The following MTOR variants were observed in gnomAD, a reference collection of about 807,000 sequenced individuals.
MTOR encodes the protein serine/threonine-protein kinase mTOR.
In MTOR, 70 loss-of-function variants were observed where a neutral mutation model predicts 319.8. The ratio of observed to expected loss-of-function variants is 0.22; its 90% CI spans 0.18 to 0.27. MTOR has a LOEUF of 0.27. MTOR is among the 10% of genes least tolerant of loss of function. MTOR has a pLI of 1.00. For synonymous variants in MTOR, 1,183 were observed against 1,211.4 expected (o/e 0.98, Z 0.49); for missense variants, 1,890 against 3,274.4 (o/e 0.58, Z 10.32).
chr1:11,114,662 T>C, intron 52 of MTOR, 151 bp downstream of exon 52: 1 of 1,009,310 alleles, frequency 9.9e-7, no homozygotes, highest in Non-Finnish European at 1.5e-6. Flanking sequence ...CATAGATAGG[T>C]CATTTCTAAC....
intron 28 of MTOR, among the ~76,000 whole-genome samples, chr1:11,172,381 C>A (rs1198137219): frequency 3.4e-5 from 5 of 148,508 alleles, no homozygotes; most frequent in African/African-American, 1.2e-4. Context: ...CATGGTGAAA[C>A]CCCGTCTCTA....
chr1:11,225,342 T>C (rs1231771758), intron 19 of MTOR, among the ~76,000 whole-genome samples: 1 of 151,886 alleles, frequency 6.6e-6, no homozygotes, highest in African/African-American at 2.4e-5. Flanking sequence ...AGACTGACAA[T>C]GACTTAACAT....
chr1:11,222,109 C>A (rs1191915318), intron 19 of MTOR, among the ~76,000 whole-genome samples: 3 of 130,140 alleles, frequency 2.3e-5, no homozygotes, highest in Non-Finnish European at 3.4e-5. Context: ...AAGATTCATG[C>A]ATGTATTCTG....
At chr1:11,188,433 G>A (rs1645392623) in intron 28 of MTOR, among the ~76,000 whole-genome samples, 1 of 152,150 alleles carries the variant, frequency 6.6e-6, no homozygotes, top group African/African-American at 2.4e-5. Context: ...AAGAAAGAGG[G>A]AAATGAGACT....
At chr1:11,204,938 G>A (rs974111070) in intron 25 of MTOR, among the ~76,000 whole-genome samples, 1 of 152,176 alleles carries the variant, frequency 6.6e-6, no homozygotes, top group African/African-American at 2.4e-5. Flanking sequence ...GACTCTGACT[G>A]CAGCAAAGGA....
intron 36 of MTOR, among the ~76,000 whole-genome samples, chr1:11,136,292 T>C (rs1320205985): frequency 1.3e-5 from 2 of 152,114 alleles, no homozygotes; most frequent in African/African-American, 4.8e-5. Context: ...CAGAATGACA[T>C]GACAAACAAT....
At chr1:11,210,384 A>G (rs1470437686) in intron 24 of MTOR, among the ~76,000 whole-genome samples, 1 of 152,232 alleles carries the variant, frequency 6.6e-6, no homozygotes, top group East Asian at 1.9e-4. Flanking sequence ...TCCTGGGCTC[A>G]AGCAATCCAC....
In MTOR at chr1:11,144,674, G is replaced by A. The variant is rs17848545; in HGVS notation, c.4846C>T (p.Arg1616Cys). The part of the protein sequence containing the change: ...KLVPERREII[R>C]QIWWERLQGC... ...TGCAGTCTCTCCCACCAGATCTGGC[G>A]GATGATCTCTCGTCGCTCGGGGACA... Residue 1616 changes from arginine to cysteine, a missense_variant, in exon 34 of 58, where the codon CGC (arginine) becomes TGC (cysteine). Physicochemically the swap from Arg to Cys is radical, Grantham distance 180. Coordinates refer to ENST00000361445, the MANE Select transcript of MTOR (RefSeq NM_004958.4). 4.0e-5 allele frequency: 65 copies of A among 1,614,084 alleles called. No individual in the cohort carries two copies. Among genetic ancestry groups the A allele is most frequent in the Non-Finnish European group, 5.0e-5 (59 of 1,180,006 alleles).
At chr1:11,134,849 A>G (rs1643328614) in intron 36 of MTOR, among the ~76,000 whole-genome samples, 1 of 152,234 alleles carries the variant, frequency 6.6e-6, no homozygotes, top group African/African-American at 2.4e-5. Context: ...TTTCAGGCTA[A>G]TAAAACTTTG....
rs28730686 is a variant in MTOR, at chr1:11,216,284, C to T, written c.3031-50G>A. ...GCTGGTATCATGAAGGACATTGAAC[C>T]CCCAGGCTTACCTTAAGCTCATGTG... On this transcript the variant is annotated intron_variant, in intron 19 of 57. Transcript: ENST00000361445. 0.012 allele frequency: 17,060 copies of T among 1,431,370 alleles called. 620 individuals are homozygous for T. Among genetic ancestry groups the T allele is most frequent in the African/African-American group, 0.073 (5,163 of 71,156 alleles). The allele number at this position is 1,431,370 out of a possible 1,614,324, so 88.7% of individuals were successfully genotyped here.
chr1:11,244,771 T>C (rs180679382), intron 8 of MTOR, among the ~76,000 whole-genome samples: 21 of 152,312 alleles, frequency 1.4e-4, no homozygotes, highest in African/African-American at 3.8e-4. Flanking sequence ...TCTATGTCTA[T>C]GTTTAGATAC....
intron 30 of MTOR, among the ~76,000 whole-genome samples, chr1:11,155,785 C>T (rs1446236338): frequency 6.6e-6 from 1 of 152,144 alleles, no homozygotes; most frequent in Non-Finnish European, 1.5e-5. Flanking sequence ...GTCCTGTAAG[C>T]TCTGGGAAGG....
In MTOR at chr1:11,127,302, C is replaced by T. The variant is rs1202655797; in HGVS notation, c.6217-158G>A. Among the ~76,000 whole-genome samples, 2 of 152,224 alleles carry T rather than the reference C, an allele frequency of 1.3e-5. No individual in the cohort carries two copies. The highest frequency in any genetic ancestry group is 4.8e-5 in the African/African-American group (2 of 41,448). On this transcript the variant is annotated intron_variant, in intron 44 of 57. Coordinates refer to ENST00000361445, the MANE Select transcript of MTOR (RefSeq NM_004958.4). The surrounding 1 kb of genome is among the most constrained non-coding windows in gnomAD (Gnocchi z 5.5). ...AAGCAAGAGCATAGGTGCAGGCCTC[C>T]AACCCTGGAGCTTCCAAACCAGCAG...
chr1:11,110,009 A>AAT (rs1003103852), intron 54 of MTOR, among the ~76,000 whole-genome samples: 2 of 151,918 alleles, frequency 1.3e-5, no homozygotes, highest in Non-Finnish European at 2.9e-5. Flanking sequence ...AAAAAAAAAA[A>AAT]ATTTTTAAAT....
chr1:11,126,611 A>G lies in MTOR; in HGVS notation c.6526+11T>C, dbSNP rs1178180182. ...GAGAAGTGGGTGACAGAAGTGCACA[A>G]TGGTCCTTACCCATAAGTGTCAATT... is the stretch of plus-strand genomic sequence containing the variant. On this transcript the variant is annotated intron_variant, in intron 46 of 57. Coordinates refer to ENST00000361445, the MANE Select transcript of MTOR (RefSeq NM_004958.4). 10 of 1,613,286 alleles carry G rather than the reference A, an allele frequency of 6.2e-6. No individual in the cohort carries two copies. Among genetic ancestry groups the G allele is most frequent in the Admixed American group, 3.3e-5 (2 of 59,966 alleles).
At chr1:11,259,147 T>A (rs1650792420) in intron 2 of MTOR, 101 bp downstream of exon 2, 1 of 1,440,952 alleles carries the variant, frequency 6.9e-7, no homozygotes, top group Non-Finnish European at 9.4e-7. Context: ...TAATCTCTGT[T>A]TTCCAAATCC....
intron 8 of MTOR, among the ~76,000 whole-genome samples, chr1:11,246,230 G>C (rs1339940951): frequency 6.6e-6 from 1 of 152,170 alleles, no homozygotes; most frequent in Non-Finnish European, 1.5e-5. Context: ...AAGAAATCTA[G>C]GGCCCTCTGA....
intron 53 of MTOR, 109 bp downstream of exon 53, chr1:11,114,209 G>T: frequency 7.4e-7 from 1 of 1,355,682 alleles, no homozygotes; most frequent in Non-Finnish European, 1.0e-6. Context: ...TGCCCAGGCT[G>T]GTCTCGAACT....
At chr1:11,122,574 T>C (rs143882115) in intron 47 of MTOR, among the ~76,000 whole-genome samples, 8,396 of 135,740 alleles carry the variant, frequency 0.062, 345 homozygotes, top group South Asian at 0.13. Context: ...GTGTCACTAT[T>C]TTGGTTCACT....
Sources: gnomAD v4.1 joint callset for allele counts (sites outside exome capture counted in the v4.1 genomes callset) on GRCh38, gnomAD v4.1.1 for gene constraint, Gnocchi (gnomAD v3.1) non-coding constraint, MANE v1.5 for transcripts, NCBI Gene and HGNC (gene_info 2026-07-23, HGNC 2026-07-21) for gene names.